RGS4: variants seen among roughly 807,000 people sequenced by gnomAD.
RGS4 encodes the protein schizophrenia disorder 9.
RGS4 carries 15 observed loss-of-function variants against 21.6 expected under a neutral mutation model. The ratio of observed to expected loss-of-function variants is 0.69; its 90% confidence interval spans 0.46 to 1.07. The LOEUF (loss-of-function observed/expected upper bound fraction) is 1.07, where lower values mean the gene tolerates loss of function less well. Ranked by LOEUF, RGS4 falls within the 50% of genes least tolerant of loss-of-function variation. The pLI, the probability that RGS4 is intolerant of heterozygous loss-of-function variation, is 0.00. For synonymous variants in RGS4, 94 were observed against 85.5 expected (o/e 1.10, Z -0.55); for missense variants, 237 against 239.0 (o/e 0.99, Z 0.06).
Position 163,070,003 on chromosome 1 carries a change from G to A in RGS4, c.44+475G>A, listed in dbSNP as rs115354513. Among the ~76,000 whole-genome samples, 1,311 of 152,258 alleles carry A rather than the reference G, an allele frequency of 8.6e-3. 8 individuals carry two copies. Among genetic ancestry groups the A allele is most frequent in the Non-Finnish European group, 0.014 (923 of 68,020 alleles). On this transcript the variant is annotated intron_variant, in intron 1 of 4. Transcript: ENST00000367909. ...AAGGCACTATGCTTTCCGTGTGGTG[G>A]TGCAGTAACTTTCACTCTCTATGTT... is the stretch of plus-strand genomic sequence containing the variant.
chr1:163,072,603 T>A (rs1461949067), intron 2 of RGS4, 104 bp downstream of exon 2: 4 of 953,060 alleles, frequency 4.2e-6, no homozygotes, highest in African/African-American at 1.6e-5. Context: ...CAGATTTGGA[T>A]CAAGATAGCC....
Position 163,069,387 on chromosome 1 carries a change from T to C in RGS4, c.-98T>C. 1.3e-6 allele frequency: 2 copies of C among 1,588,078 alleles called. No individual in the cohort carries two copies. The highest frequency in any genetic ancestry group is 1.1e-5 in the South Asian group (1 of 88,016). ...AGACGCTCAGAGGATTCTGACAATA[T>C]CTTTACCGGAGAAGAGGCAAAGTAC... On this transcript the variant is annotated 5_prime_UTR_variant, in exon 1 of 5. Coordinates refer to ENST00000367909, the MANE Select transcript of RGS4 (RefSeq NM_005613.6).
Position 163,075,839 on chromosome 1 carries a change from C to T in RGS4, c.*1279C>T, listed in dbSNP as rs1461880496. On this transcript the variant is annotated 3_prime_UTR_variant, in exon 5 of 5. Coordinates refer to ENST00000367909, the MANE Select transcript of RGS4 (RefSeq NM_005613.6). ...GAACAAATTTTCACAATTTGAAAAGCCCACATAAGTTTTCTCTTTTAAGGT... is the reference window on the plus strand; with the variant it reads ...GAACAAATTTTCACAATTTGAAAAGTCCACATAAGTTTTCTCTTTTAAGGT... 3 of 152,376 alleles carry T rather than the reference C, an allele frequency of 2.0e-5. No individual in the cohort carries two copies. Among genetic ancestry groups the T allele is most frequent in the Non-Finnish European group, 2.9e-5 (2 of 68,012 alleles). The allele number at this position is 152,376 out of a possible 1,614,324, so 9.4% of individuals were successfully genotyped here.
At chr1:163,069,038 C>T, upstream of RGS4, 1 of 1,567,392 alleles carries the variant, frequency 6.4e-7, no homozygotes, top group African/African-American at 1.4e-5. Flanking sequence ...CAGGAAGCAA[C>T]TTCCTTGATA....
In RGS4 at chr1:163,074,475, T is replaced by C. The variant is rs2102345440; in HGVS notation, c.533T>C (p.Val178Ala). Reference protein sequence around the residue: ...FLKSRFYLDLVNPSSCGAEKQ... With the variant: ...FLKSRFYLDLANPSSCGAEKQ... ...AAGTCTCGATTCTATCTTGATTTGG[T>C]CAACCCGTCCAGCTGTGGGGCAGAA... Residue 178 changes from valine to alanine, a missense_variant, in exon 5 of 5, where the codon GTC becomes GCC. Physicochemically the swap from Val to Ala is moderately conservative, Grantham distance 64 (BLOSUM62 0). Transcript: ENST00000367909. 1.9e-6 allele frequency: 3 copies of C among 1,613,878 alleles called. No homozygotes were observed. The highest frequency in any genetic ancestry group is 2.5e-6 in the Non-Finnish European group (3 of 1,179,846).
upstream of RGS4, chr1:163,068,980 A>C (rs374165965): frequency 3.7e-6 from 6 of 1,606,744 alleles, no homozygotes; most frequent in Non-Finnish European, 4.2e-6. Context: ...AGGCATTGGG[A>C]GTCAGCTCCT....
chr1:163,072,775 A>G, intron 2 of RGS4, 30 bp from the exon 3 acceptor site: 1 of 1,593,326 alleles, frequency 6.3e-7, no homozygotes, highest in South Asian at 1.1e-5. Flanking sequence ...ATGGCATTCC[A>G]ATTATTCTGT....
chr1:163,072,057 G>A, intron 1 of RGS4: 4 of 1,021,700 alleles, frequency 3.9e-6, no homozygotes, highest in Non-Finnish European at 4.7e-6. Flanking sequence ...TCACTCATGT[G>A]TTCAGTGATT....
intron 1 of RGS4, among the ~76,000 whole-genome samples, chr1:163,071,281 C>A (rs1351207621): frequency 6.6e-6 from 1 of 152,064 alleles, no homozygotes; most frequent in Non-Finnish European, 1.5e-5. Context: ...AAGGGACAGT[C>A]AGAGAACATA....
intron 3 of RGS4, 94 bp from the exon 4 acceptor site, chr1:163,073,362 T>C (rs1315180656): frequency 9.6e-7 from 1 of 1,041,296 alleles, no homozygotes; most frequent in East Asian, 2.6e-5. Context: ...GAATCCATGC[T>C]TTATCCCCCA....
chr1:163,073,866 T>G (rs577813161), intron 4 of RGS4: 7 of 419,416 alleles, frequency 1.7e-5, no homozygotes, highest in African/African-American at 1.0e-4. Context: ...ACCTATTCCC[T>G]CTACCCAACT....
chr1:163,075,797 TTATA>T lies in RGS4; in HGVS notation c.*1239_*1242del, dbSNP rs1417265404. ...TTATAAACCAGCAGCAGGGGAAAGA[TTATA>T]TTTTATAAGAGGGAACAAATTTTCA... On this transcript the variant is annotated 3_prime_UTR_variant, in exon 5 of 5. Coordinates refer to ENST00000367909, the MANE Select transcript of RGS4 (RefSeq NM_005613.6). 6.6e-6 allele frequency: 1 copy of T among 152,292 alleles called. No individual in the cohort carries two copies. Among genetic ancestry groups the T allele is most frequent in the African/African-American group, 2.4e-5 (1 of 41,414 alleles). 9.4% of individuals were successfully genotyped at this position (152,292 alleles called of 1,614,324 possible).
chr1:163,069,304 T>A, upstream of RGS4: 1 of 1,551,372 alleles, frequency 6.4e-7, no homozygotes, highest in Non-Finnish European at 8.7e-7. Context: ...AGCGGTCGTC[T>A]GATTGGCTGG....
chr1:163,073,691 A>G (rs1298433720), intron 4 of RGS4, 69 bp downstream of exon 4: 1 of 989,828 alleles, frequency 1.0e-6, no homozygotes, highest in Non-Finnish European at 1.5e-6. Flanking sequence ...TGATACATGC[A>G]TACAATGTGA....
rs747602081 is a variant in RGS4, at chr1:163,072,865, A to G, written c.210A>G (p.Glu70=). 6.2e-6 allele frequency: 10 copies of G among 1,612,620 alleles called. No homozygotes were observed. The highest frequency in any genetic ancestry group is 8.5e-6 in the Non-Finnish European group (10 of 1,179,094). ...AESLENLISH[E]CGLAAFKAFL... ...CACTGGAAAACCTGATTAGTCATGA[A>G]TGTAAGTCTGACAGCAACCTGGGAT... Residue 70 remains glutamate, a splice_region_variant and synonymous_variant, in exon 3 of 5, where the codon GAA becomes GAG. Transcript: ENST00000367909.
chr1:163,071,204 T>A (rs2102341837), intron 1 of RGS4, among the ~76,000 whole-genome samples: 1 of 152,202 alleles, frequency 6.6e-6, no homozygotes, highest in Non-Finnish European at 1.5e-5. Flanking sequence ...TTGCATCCCC[T>A]GAACAGTCAT....
In RGS4 at chr1:163,073,603, C is replaced by T. The variant is rs756789482; in HGVS notation, c.359C>T (p.Ser120Leu). ...KAKKIYNEFI[S>L]VQATKEVNLD... Reference sequence around the variant, plus strand: ...AAAAAGATCTATAATGAATTCATCTCAGTCCAGGCAACCAAAGAGGTAGGT... The same window carrying T: ...AAAAAGATCTATAATGAATTCATCTTAGTCCAGGCAACCAAAGAGGTAGGT... Residue 120 changes from serine to leucine, a missense_variant, in exon 4 of 5, where the codon TCA becomes TTA. By Grantham distance (145) the Ser-to-Leu change is moderately radical. Coordinates refer to ENST00000367909, the MANE Select transcript of RGS4 (RefSeq NM_005613.6). 1 of 1,595,506 alleles carries T rather than the reference C, an allele frequency of 6.3e-7. No homozygotes were observed. Among genetic ancestry groups the T allele is most frequent in the Non-Finnish European group, 8.5e-7 (1 of 1,175,226 alleles).
chr1:163,074,694 T>A lies in RGS4; in HGVS notation c.*134T>A. ...TAATATTCATGCTGCCTGCCATGTG[T>A]GAGTCACTTCTACGCATAAACTAGA... On this transcript the variant is annotated 3_prime_UTR_variant, in exon 5 of 5. Coordinates refer to ENST00000367909, the MANE Select transcript of RGS4 (RefSeq NM_005613.6). The A allele has an allele frequency of 7.8e-7, 1 of 1,287,102 alleles. No homozygotes were observed. 79.7% of individuals were successfully genotyped at this position (1,287,102 alleles called of 1,614,324 possible). A position where few individuals can be genotyped will look rare whatever the true frequency, so the allele number is the denominator to read the frequency against.
upstream of RGS4, chr1:163,069,153 G>A: frequency 6.7e-7 from 1 of 1,497,354 alleles, no homozygotes; most frequent in Non-Finnish European, 8.9e-7. Flanking sequence ...GAGACATTGA[G>A]TACATTTTTT....
Sources: gnomAD v4.1 joint callset for allele counts (sites outside exome capture counted in the v4.1 genomes callset) on GRCh38, gnomAD v4.1.1 for gene constraint, MANE v1.5 for transcripts, NCBI Gene and HGNC (gene_info 2026-07-23, HGNC 2026-07-21) for gene names.